ESR1: variants seen among roughly 807,000 people sequenced by gnomAD.
ESR1 encodes the protein estrogen receptor 1.
ESR1 carries 12 observed loss-of-function variants against 52.7 expected under a neutral mutation model. The ratio of observed to expected loss-of-function variants is 0.23; its 90% CI spans 0.15 to 0.37. ESR1 has a LOEUF of 0.37. Ranked by LOEUF, ESR1 falls within the 10% of genes least tolerant of loss-of-function variation. The pLI is 1.00. For synonymous variants in ESR1, 305 were observed against 316.8 expected (o/e 0.96, Z 0.39); for missense variants, 584 against 779.7 (o/e 0.75, Z 2.99).
At chr6:151,983,564 A>C (rs1031975020) in intron 4 of ESR1, 1 of 152,096 alleles carries the variant, frequency 6.6e-6, no homozygotes, top group Admixed American at 6.5e-5. Context: ...TTGAGCTGTA[A>C]GTAAATTTAC....
intron 1 of ESR1, among the ~76,000 whole-genome samples, chr6:151,666,889 T>C (rs915614761): frequency 2.0e-5 from 3 of 151,628 alleles, no homozygotes; most frequent in Admixed American, 1.3e-4. Context: ...AGTGCTCAAG[T>C]GAGTAGATGG....
intron 2 of ESR1, among the ~76,000 whole-genome samples, chr6:151,774,780 T>A (rs1487775425): frequency 6.6e-6 from 1 of 152,210 alleles, no homozygotes; most frequent in Non-Finnish European, 1.5e-5. Flanking sequence ...GCTGATTAGG[T>A]ATGCAGAAAA....
At chr6:152,011,959 GA>G (rs1262018625) in intron 5 of ESR1, among the ~76,000 whole-genome samples, 165 bp downstream of exon 5, 3 of 150,896 alleles carry the variant, frequency 2.0e-5, no homozygotes, top group African/African-American at 7.3e-5. Flanking sequence ...CAAATTCACA[GA>G]AAGCTAAGGA....
rs566292918 is a variant in ESR1 at position 152,102,808 on chromosome 6, T to C, written c.*3842T>C. ...CAATTGTGCCTGAACTTTTAAAATA[T>C]GTAAATGCTGCCATGTTCCAAACCC... On this transcript the variant is annotated 3_prime_UTR_variant, in exon 8 of 8. Transcript: ENST00000206249. 1.8e-5 allele frequency: 4 copies of C among 224,734 alleles called. No individual in the cohort carries two copies. The highest frequency in any genetic ancestry group is 5.7e-5 in the Admixed American group (1 of 17,450). The allele number at this position is 224,734 out of a possible 1,614,324, so 13.9% of individuals were successfully genotyped here. A position where few individuals can be genotyped will look rare whatever the true frequency, so the allele number is the denominator to read the frequency against.
chr6:151,761,688 T>A (rs1272784639), intron 2 of ESR1, among the ~76,000 whole-genome samples: 1 of 152,248 alleles, frequency 6.6e-6, no homozygotes, highest in Non-Finnish European at 1.5e-5. Flanking sequence ...GCTATCATTA[T>A]CATTTCATAG....
At chr6:151,696,894 T>C (rs1040839392) in intron 1 of ESR1, among the ~76,000 whole-genome samples, 1 of 152,148 alleles carries the variant, frequency 6.6e-6, no homozygotes, top group Non-Finnish European at 1.5e-5. Context: ...CTCTTGACCA[T>C]GACCTTAAAG....
intron 3 of ESR1, among the ~76,000 whole-genome samples, chr6:151,899,473 G>A (rs1258136417): frequency 1.4e-5 from 2 of 144,648 alleles, no homozygotes; most frequent in African/African-American, 2.6e-5. Context: ...GGCCAGGCGG[G>A]GGGCTGACCC....
At chr6:151,957,227 C>T (rs943181282) in intron 4 of ESR1, among the ~76,000 whole-genome samples, 16 of 151,980 alleles carry the variant, frequency 1.1e-4, no homozygotes, top group South Asian at 2.1e-4. Flanking sequence ...TGCCATTGGG[C>T]GACCCAGTCC....
chr6:151,956,821 A>T (rs9479148), intron 4 of ESR1, among the ~76,000 whole-genome samples: 79,104 of 137,050 alleles, frequency 0.58, 23,841 homozygotes, highest in Middle Eastern at 0.72. Flanking sequence ...AATATATATA[A>T]AAATATATAT....
intron 2 of ESR1, among the ~76,000 whole-genome samples, chr6:151,877,844 C>G (rs928209768): frequency 6.6e-6 from 1 of 151,870 alleles, no homozygotes; most frequent in Non-Finnish European, 1.5e-5. Context: ...GGGTCTCGCT[C>G]TGTTGTCCAT....
intron 4 of ESR1, among the ~76,000 whole-genome samples, chr6:151,948,549 AC>A (rs1399308753): frequency 6.6e-6 from 1 of 151,994 alleles, no homozygotes; most frequent in Non-Finnish European, 1.5e-5. Context: ...GAAACATGTC[AC>A]CTTAACCACT....
At chr6:151,836,415 C>A (rs1044299819) in intron 1 of ESR1, among the ~76,000 whole-genome samples, 3 of 152,216 alleles carry the variant, frequency 2.0e-5, no homozygotes, top group East Asian at 3.9e-4. Context: ...ATTTATAAAA[C>A]CATCAGATTT....
At chr6:152,092,987 C>G (rs922106207) in intron 6 of ESR1, among the ~76,000 whole-genome samples, 7 of 152,074 alleles carry the variant, frequency 4.6e-5, no homozygotes, top group African/African-American at 1.7e-4. Context: ...AATGTAAGAA[C>G]GAAGACCTTG....
chr6:151,889,320 T>A (rs1794354851), intron 3 of ESR1, among the ~76,000 whole-genome samples: 1 of 152,218 alleles, frequency 6.6e-6, no homozygotes, highest in African/African-American at 2.4e-5. Flanking sequence ...GGACTTTTTA[T>A]TGCTGATTCA....
At chr6:152,125,343 G>C (rs1466667412) in exon 7 of ESR1, 1 of 1,550,222 alleles carries the variant, frequency 6.5e-7, no homozygotes. Flanking sequence ...GTTTCCTCGT[G>C]TCTAAAGCCT....
chr6:152,011,535 A>G (rs2042766749), intron 4 of ESR1, 121 bp from the exon 5 acceptor site: 16 of 1,078,234 alleles, frequency 1.5e-5, no homozygotes, highest in African/African-American at 3.1e-5. Flanking sequence ...GTATGTTCGT[A>G]TTGCATTTAC....
chr6:151,933,543 G>A (rs867105508), intron 3 of ESR1, among the ~76,000 whole-genome samples: 2 of 151,714 alleles, frequency 1.3e-5, no homozygotes, highest in African/African-American at 4.8e-5. Context: ...AGTTTTCAAA[G>A]GGAATGCTTC....
intron 3 of ESR1, among the ~76,000 whole-genome samples, chr6:151,936,519 T>C (rs2034376436): frequency 6.6e-6 from 1 of 152,166 alleles, no homozygotes; most frequent in Non-Finnish European, 1.5e-5. Flanking sequence ...AAATTGACAG[T>C]TTGTTAATGA....
At chr6:152,033,352 A>G (rs1225138016) in intron 5 of ESR1, among the ~76,000 whole-genome samples, 1 of 152,256 alleles carries the variant, frequency 6.6e-6, no homozygotes, top group African/African-American at 2.4e-5. Flanking sequence ...CAGAGTGAAC[A>G]GGCAACCTAC....
Sources: allele counts gnomAD v4.1 joint callset (sites outside exome capture counted in the v4.1 genomes callset), GRCh38; gene constraint gnomAD v4.1.1; transcripts MANE v1.5; gene names NCBI Gene and HGNC (gene_info 2026-07-23, HGNC 2026-07-21).